TBX5: variants seen among roughly 807,000 people sequenced by gnomAD.
TBX5 encodes T-box transcription factor TBX5.
Under a neutral mutation model 51.1 loss-of-function variants are expected in TBX5, and 8 were observed. That is an observed-to-expected ratio of 0.16 (90% confidence interval 0.09 to 0.28). The LOEUF (loss-of-function observed/expected upper bound fraction) is 0.28, where lower values mean the gene tolerates loss of function less well. TBX5 is among the 10% of genes least tolerant of loss of function. TBX5 has a pLI of 1.00. For missense variants in TBX5, 589 were observed against 671.7 expected, an observed-to-expected ratio of 0.88 and a Z score of 1.36; for synonymous variants, 302 against 266.4, an observed-to-expected ratio of 1.13 and a Z score of -1.30.
intron 1 of TBX5, among the ~76,000 whole-genome samples, chr12:114,404,455 A>G (rs1872062678): frequency 6.6e-6 from 1 of 150,948 alleles, no homozygotes; most frequent in Non-Finnish European, 1.5e-5. Context: ...GAAATGTGTG[A>G]AATAACCCGC....
At chr12:114,390,783 C>A (rs1871106376) in intron 6 of TBX5, among the ~76,000 whole-genome samples, 1 of 152,284 alleles carries the variant, frequency 6.6e-6, no homozygotes, top group African/African-American at 2.4e-5. Flanking sequence ...CCCACGTGAC[C>A]TTTTTTTAAC....
At chr12:114,379,264 C>A (rs868212928) in intron 7 of TBX5, among the ~76,000 whole-genome samples, 4 of 152,182 alleles carry the variant, frequency 2.6e-5, no homozygotes, top group African/African-American at 9.7e-5. Context: ...CACACAACGG[C>A]GACCAGCAAA....
chr12:114,369,071 A>C (rs1177286327), intron 7 of TBX5, among the ~76,000 whole-genome samples: 1 of 152,218 alleles, frequency 6.6e-6, no homozygotes. Flanking sequence ...AAGTTGTCAA[A>C]ACTTGCCGAC....
At chr12:114,380,541 G>A (rs966275769) in intron 7 of TBX5, among the ~76,000 whole-genome samples, 39 of 152,190 alleles carry the variant, frequency 2.6e-4, no homozygotes, top group African/African-American at 8.9e-4. Flanking sequence ...GAAATCACAG[G>A]ACTGATGTGT....
At chr12:114,384,927 G>A (rs190557741) in intron 7 of TBX5, among the ~76,000 whole-genome samples, 175 of 152,182 alleles carry the variant, frequency 1.1e-3, no homozygotes, top group African/African-American at 4.0e-3. Context: ...GCTACAGCCC[G>A]TTCTATTCAT....
rs1453511671 is a variant in TBX5 at position 114,397,823 on chromosome 12, C to T, written c.510+750G>A. 4.6e-5 allele frequency among the ~76,000 whole-genome samples: 7 copies of T among 152,210 alleles called. No individual in the cohort carries two copies. The East Asian group carries it at 1.3e-3, about 29-fold the overall frequency. ...GGGAGTATCAAGCTAAAAAGTGGCACTGGCACCATAGTTCTCTTATGAGTT... is the reference window on the plus strand; with the variant it reads ...GGGAGTATCAAGCTAAAAAGTGGCATTGGCACCATAGTTCTCTTATGAGTT... On this transcript the variant is annotated intron_variant, in intron 5 of 8. Coordinates refer to ENST00000405440, the MANE Select transcript of TBX5 (RefSeq NM_181486.4).
chr12:114,359,706 A>C (rs1476966829), intron 8 of TBX5, among the ~76,000 whole-genome samples: 1 of 152,238 alleles, frequency 6.6e-6, no homozygotes, highest in East Asian at 1.9e-4. Context: ...TCCAAGGCAC[A>C]GATATTAAGG....
intron 6 of TBX5, among the ~76,000 whole-genome samples, chr12:114,386,309 A>G (rs1870814636): frequency 6.6e-6 from 1 of 152,206 alleles, no homozygotes; most frequent in Admixed American, 6.5e-5. Flanking sequence ...AATTTAATCC[A>G]TCAACGCATT....
chr12:114,403,613 G>T, intron 2 of TBX5, 139 bp downstream of exon 2: 1 of 1,305,382 alleles, frequency 7.7e-7, no homozygotes, highest in Non-Finnish European at 1.0e-6. Context: ...AAAAGGAAAA[G>T]GGATGATTAT....
At chr12:114,368,359 A>C (rs925163015) in intron 7 of TBX5, among the ~76,000 whole-genome samples, 4 of 151,816 alleles carry the variant, frequency 2.6e-5, no homozygotes, top group African/African-American at 9.7e-5. Flanking sequence ...TCAATCAATC[A>C]ATCAATGCTT....
At chr12:114,360,074 A>C (rs1347840271) in intron 8 of TBX5, among the ~76,000 whole-genome samples, 1 of 152,202 alleles carries the variant, frequency 6.6e-6, no homozygotes, top group Admixed American at 6.5e-5. Context: ...CACTATTCCC[A>C]AATGGGTCAT....
chr12:114,399,751 G>A (rs747851699), intron 3 of TBX5, 119 bp from the exon 4 acceptor site: 191 of 1,489,250 alleles, frequency 1.3e-4, no homozygotes, highest in Non-Finnish European at 1.6e-4. Context: ...GCGGAAACTA[G>A]CCCCGTTCCG....
At chr12:114,373,941 C>T (rs560281743) in intron 7 of TBX5, among the ~76,000 whole-genome samples, 151 of 152,286 alleles carry the variant, frequency 9.9e-4, no homozygotes, top group African/African-American at 3.4e-3. Flanking sequence ...AAGGAGTCCT[C>T]CAAGGCCTCA....
At chr12:114,369,063 G>A (rs371394891) in intron 7 of TBX5, among the ~76,000 whole-genome samples, 1 of 152,066 alleles carries the variant, frequency 6.6e-6, no homozygotes, top group Admixed American at 6.5e-5. Flanking sequence ...CATTATAAAA[G>A]TTGTCAAAAC....
intron 6 of TBX5, among the ~76,000 whole-genome samples, chr12:114,392,258 C>T (rs929225789): frequency 4.0e-5 from 6 of 151,020 alleles, no homozygotes; most frequent in Admixed American, 2.6e-4. Context: ...TCACTAAATA[C>T]GTGTATTGGG....
chr12:114,401,893 G>A lies in TBX5; in HGVS notation c.175C>T (p.His59Tyr). The A allele has an allele frequency of 6.2e-7, 1 of 1,614,096 alleles. No homozygotes were observed. Among genetic ancestry groups the A allele is most frequent in the Non-Finnish European group, 8.5e-7 (1 of 1,180,010 alleles). The change falls in exon 3 of 9, where the codon CAT (histidine) becomes TAT (tyrosine). Residue 59 changes from histidine (H) to tyrosine (Y), a missense_variant. Around this residue, in one of 7 missense-constraint regions of TBX5, gnomAD observed 101 missense variants for 83.3 expected, o/e 1.21. Transcript: ENST00000405440. ...QGMEGIKVFLHERELWLKFHE... is the reference protein window; with the variant it reads ...QGMEGIKVFLYERELWLKFHE... The stretch of plus-strand genomic sequence containing the variant: ...AATTTTAGCCACAGTTCTCTTTCAT[G>A]GAGAAACACTTTGATTCCCTCCATG...
upstream of TBX5, chr12:114,408,102 A>T: frequency 1.0e-6 from 1 of 985,354 alleles, no homozygotes; most frequent in Non-Finnish European, 1.2e-6. Context: ...GGACTTGGAG[A>T]CGTCACGAGT....
chr12:114,363,450 C>A (rs147421355), intron 8 of TBX5, among the ~76,000 whole-genome samples: 1 of 152,204 alleles, frequency 6.6e-6, no homozygotes, highest in African/African-American at 2.4e-5. Flanking sequence ...AAATATTGAA[C>A]CTAAAAAGCA....
chr12:114,355,261 T>C lies in TBX5; in HGVS notation c.*271A>G. Reference sequence around the variant, plus strand: ...GAGTAGCGTGAATGTGGCTGGTTGATGGGTGTGGTGGTAGTGGGGGGTGGG... The same window carrying C: ...GAGTAGCGTGAATGTGGCTGGTTGACGGGTGTGGTGGTAGTGGGGGGTGGG... On this transcript the variant is annotated 3_prime_UTR_variant, in exon 9 of 9. Coordinates refer to ENST00000405440, the MANE Select transcript of TBX5 (RefSeq NM_181486.4). 2 of 491,484 alleles carry C rather than the reference T, an allele frequency of 4.1e-6. No individual in the cohort carries two copies. Among genetic ancestry groups the C allele is most frequent in the South Asian group, 3.8e-5 (2 of 53,262 alleles). The allele number at this position is 491,484 out of a possible 1,614,324, so 30.4% of individuals were successfully genotyped here. A position where few individuals can be genotyped will look rare whatever the true frequency, so the allele number is the denominator to read the frequency against.
Sources: gnomAD v4.1 joint callset for allele counts (sites outside exome capture counted in the v4.1 genomes callset) on GRCh38, gnomAD v4.1.1 for gene constraint, gnomAD v4.1.1 regional missense constraint, MANE v1.5 for transcripts, NCBI Gene and HGNC (gene_info 2026-07-23, HGNC 2026-07-21) for gene names.